ARHGAP26: variants seen among roughly 807,000 people sequenced by gnomAD.
The protein encoded by ARHGAP26 is rho GTPase-activating protein 26.
A neutral mutation model predicts 104.8 loss-of-function variants in ARHGAP26; 38 were observed. That is an observed-to-expected ratio of 0.36 (90% CI 0.28 to 0.48). ARHGAP26 has a LOEUF of 0.48. Ranked by LOEUF, ARHGAP26 falls within the 20% of genes least tolerant of loss-of-function variation. ARHGAP26 has a pLI of 0.99. For missense variants in ARHGAP26, 704 were observed against 947.9 expected, an observed-to-expected ratio of 0.74 and a Z score of 3.38; for synonymous variants, 341 against 340.0, an observed-to-expected ratio of 1.00 and a Z score of -0.03.
At chr5:143,051,853 A>G (rs1785082558) in intron 14 of ARHGAP26, among the ~76,000 whole-genome samples, 1 of 152,154 alleles carries the variant, frequency 6.6e-6, no homozygotes, top group African/African-American at 2.4e-5. Flanking sequence ...CTGCTTGTTC[A>G]GTTTCATGTT....
At chr5:142,788,049 A>G (rs2151892370) in intron 1 of ARHGAP26, among the ~76,000 whole-genome samples, 1 of 149,214 alleles carries the variant, frequency 6.7e-6, no homozygotes, top group East Asian at 2.0e-4. Flanking sequence ...GCTGGAGTAC[A>G]GTGGCATGTG....
At chr5:142,951,008 TTTCCCTTTCCCTTTCTCTTTCCC>T (rs1489675889) in intron 11 of ARHGAP26, among the ~76,000 whole-genome samples, 1 of 8,668 alleles carries the variant, frequency 1.2e-4, no homozygotes, top group Non-Finnish European at 2.9e-4. Context: ...TCTCTTTCCC[TTTCCCTTTCCCTTTCTCTTTCCC>T]TTTCCCTTTC....
At chr5:143,014,598 G>C (rs145011750) in intron 12 of ARHGAP26, among the ~76,000 whole-genome samples, 20 of 152,278 alleles carry the variant, frequency 1.3e-4, no homozygotes, top group African/African-American at 3.8e-4. Context: ...TGGGAGGAAA[G>C]AATGGAGATG....
At chr5:142,882,428 AG>A (rs1357821492) in intron 4 of ARHGAP26, among the ~76,000 whole-genome samples, 2 of 152,236 alleles carry the variant, frequency 1.3e-5, no homozygotes, top group East Asian at 3.8e-4. Context: ...AATATGTGAG[AG>A]CCTGCTCTGT....
intron 1 of ARHGAP26, among the ~76,000 whole-genome samples, chr5:142,786,627 C>G (rs545948132): frequency 8.7e-5 from 13 of 149,162 alleles, no homozygotes; most frequent in Non-Finnish European, 1.9e-4. Flanking sequence ...ATGGAAATGA[C>G]GTGAAACAGA....
intron 7 of ARHGAP26, among the ~76,000 whole-genome samples, chr5:142,903,330 G>A (rs1249161320): frequency 3.3e-5 from 5 of 152,136 alleles, no homozygotes; most frequent in Admixed American, 3.3e-4. Flanking sequence ...AGATCCCTAG[G>A]TGATTTTGAT....
At chr5:142,969,036 A>T (rs990975141) in intron 11 of ARHGAP26, among the ~76,000 whole-genome samples, 2 of 152,152 alleles carry the variant, frequency 1.3e-5, no homozygotes, top group Admixed American at 1.3e-4. Context: ...GGCTCAAGTG[A>T]TCCTCCTGCC....
At chr5:143,137,202 C>G (rs1798006673) in intron 19 of ARHGAP26, among the ~76,000 whole-genome samples, 1 of 152,186 alleles carries the variant, frequency 6.6e-6, no homozygotes, top group African/African-American at 2.4e-5. Context: ...TCATCCATAT[C>G]CCACCTTAGA....
chr5:143,062,767 A>G (rs1392355300), intron 17 of ARHGAP26, among the ~76,000 whole-genome samples: 1 of 152,208 alleles, frequency 6.6e-6, no homozygotes, highest in Non-Finnish European at 1.5e-5. Flanking sequence ...GAAAGTGAAC[A>G]TTAATACTTA....
chr5:143,111,615 A>C (rs1162020902), intron 17 of ARHGAP26, among the ~76,000 whole-genome samples: 1 of 152,236 alleles, frequency 6.6e-6, no homozygotes, highest in African/African-American at 2.4e-5. Context: ...GCAGGAAATA[A>C]AGGAATTTCA....
chr5:142,828,109 A>G (rs928452807), intron 1 of ARHGAP26, among the ~76,000 whole-genome samples: 1 of 152,182 alleles, frequency 6.6e-6, no homozygotes, highest in Non-Finnish European at 1.5e-5. Flanking sequence ...AGTTTCCTCT[A>G]CAGGTAGGAA....
chr5:142,827,335 G>A (rs975676010), intron 1 of ARHGAP26, among the ~76,000 whole-genome samples: 4 of 152,196 alleles, frequency 2.6e-5, no homozygotes, highest in Non-Finnish European at 5.9e-5. Flanking sequence ...TCTCCTGAAC[G>A]TGGGCTCAGG....
In ARHGAP26 at chr5:142,906,049, G is replaced by A. The variant is rs138795557; in HGVS notation, c.833-1655G>A. Among the ~76,000 whole-genome samples, 5 of 152,262 alleles carry A rather than the reference G, an allele frequency of 3.3e-5. No homozygotes were observed. In the East Asian group the frequency reaches 9.6e-4, roughly 29 times the overall value. On this transcript the variant is annotated intron_variant, in intron 8 of 22. Transcript: ENST00000645722. ...TGACATTTTTGAACAACACAGTCCA[G>A]TTCCTTTATACAGTTTTCTTCAGCA...
intron 1 of ARHGAP26, among the ~76,000 whole-genome samples, chr5:142,825,467 TCTC>T (rs1767050081): frequency 6.6e-6 from 1 of 152,044 alleles, no homozygotes; most frequent in Non-Finnish European, 1.5e-5. Context: ...TGAAGGCTGG[TCTC>T]CTTCCCGTTG....
At chr5:142,794,909 T>C (rs1048940697) in intron 1 of ARHGAP26, among the ~76,000 whole-genome samples, 1 of 152,186 alleles carries the variant, frequency 6.6e-6, no homozygotes, top group Non-Finnish European at 1.5e-5. Context: ...CTATAACTAA[T>C]AGAGCTTGTT....
chr5:142,879,513 T>C, intron 4 of ARHGAP26, 68 bp downstream of exon 4: 1 of 1,374,276 alleles, frequency 7.3e-7, no homozygotes, highest in South Asian at 1.3e-5. Flanking sequence ...CACCTTTCTT[T>C]AAAACAAAGT....
chr5:143,214,553 G>T (rs182875516), intron 22 of ARHGAP26, among the ~76,000 whole-genome samples: 4 of 152,272 alleles, frequency 2.6e-5, no homozygotes, highest in African/African-American at 9.6e-5. Flanking sequence ...CCTCACTTTT[G>T]TCTGGGCAGT....
chr5:143,203,873 A>G (rs991899706), intron 20 of ARHGAP26: 12 of 151,960 alleles, frequency 7.9e-5, no homozygotes, highest in Non-Finnish European at 5.9e-5. Flanking sequence ...GTTAGTGAGA[A>G]CACATGGACA....
At chr5:142,802,004 C>T (rs1762163526) in intron 1 of ARHGAP26, among the ~76,000 whole-genome samples, 1 of 152,142 alleles carries the variant, frequency 6.6e-6, no homozygotes, top group Admixed American at 6.5e-5. Context: ...GAAAGAAGAA[C>T]ATCAGAGGGG....
Sources: gnomAD v4.1 joint callset for allele counts (sites outside exome capture counted in the v4.1 genomes callset) on GRCh38, gnomAD v4.1.1 for gene constraint, MANE v1.5 for transcripts, NCBI Gene and HGNC (gene_info 2026-07-23, HGNC 2026-07-21) for gene names.